The following RAB37 variants were observed in gnomAD, a reference collection of about 807,000 sequenced individuals.
RAB37 encodes ras-related protein Rab-37.
In RAB37, 29 loss-of-function variants were observed where a neutral mutation model predicts 33.1. The ratio of observed to expected loss-of-function variants is 0.88; its 90% CI spans 0.65 to 1.20. RAB37 has a LOEUF of 1.20. Among genes scored for constraint, RAB37 ranks in the 50% most tolerant of loss-of-function variants. The pLI is 0.00. For missense variants in RAB37, 299 were observed against 301.1 expected, an observed-to-expected ratio of 0.99 and a Z score of 0.05; for synonymous variants, 128 against 119.5, an observed-to-expected ratio of 1.07 and a Z score of -0.47.
intron 1 of RAB37, among the ~76,000 whole-genome samples, chr17:74,674,673 A>T (rs2031784092): frequency 6.6e-6 from 1 of 152,122 alleles, no homozygotes. Context: ...GCAAGACTCC[A>T]TCTCAAAAAA....
intron 1 of RAB37, among the ~76,000 whole-genome samples, chr17:74,682,925 A>C (rs1186773788): frequency 6.6e-6 from 1 of 152,188 alleles, no homozygotes; most frequent in African/African-American, 2.4e-5. Flanking sequence ...AGTGGAAGAC[A>C]ATGGTTTCCA....
chr17:74,702,749 G>A (rs1232833058), intron 1 of RAB37, among the ~76,000 whole-genome samples: 1 of 152,196 alleles, frequency 6.6e-6, no homozygotes, highest in African/African-American at 2.4e-5. Context: ...TGTCCCCAGA[G>A]CTCAGCACGG....
At chr17:74,695,318 C>A in intron 1 of RAB37, 1 of 1,583,530 alleles carries the variant, frequency 6.3e-7, no homozygotes, top group Non-Finnish European at 8.6e-7. Flanking sequence ...GCAGAGGAGC[C>A]CTCGGAGGAG....
chr17:74,710,514 A>G (rs1382461893), intron 1 of RAB37, among the ~76,000 whole-genome samples: 1 of 152,172 alleles, frequency 6.6e-6, no homozygotes, highest in African/African-American at 2.4e-5. Context: ...ATAAAAGTGT[A>G]TTAAATTCCT....
Position 74,704,787 on chromosome 17 carries a change from G to A in RAB37, c.73-24469G>A, listed in dbSNP as rs202161884. The A allele has an allele frequency of 3.1e-6, 5 of 1,613,572 alleles. No individual in the cohort carries two copies. In the South Asian group the frequency reaches 3.3e-5, roughly 11 times the overall value. ...CGCTCCAAGCCATTCACTGTTGTTGGACCGGTGATTTGAGTGACAATGGAG... is the reference window on the plus strand; with the variant it reads ...CGCTCCAAGCCATTCACTGTTGTTGAACCGGTGATTTGAGTGACAATGGAG... On this transcript the variant is annotated intron_variant, in intron 1 of 7. Coordinates refer to the RAB37 transcript ENST00000340415.
At chr17:74,708,878 T>C (rs1265607322) in intron 1 of RAB37, among the ~76,000 whole-genome samples, 2 of 149,786 alleles carry the variant, frequency 1.3e-5, no homozygotes, top group African/African-American at 4.9e-5. Flanking sequence ...ATCGCGCCAC[T>C]GCACTCCAGC....
At chr17:74,673,824 A>G (rs374180068) in intron 1 of RAB37, among the ~76,000 whole-genome samples, 2 of 152,338 alleles carry the variant, frequency 1.3e-5, no homozygotes, top group East Asian at 3.9e-4. Flanking sequence ...TGTGGTGCCC[A>G]GCAGAGTGAC....
rs201182243 is a variant in RAB37 at position 74,729,358 on chromosome 17, G to A, written c.175G>A (p.Gly59Arg). The A allele has an allele frequency of 2.4e-5, 38 of 1,613,344 alleles. No homozygotes were observed. Among genetic ancestry groups the A allele is most frequent in the Admixed American group, 8.3e-5 (5 of 60,026 alleles). Residue 59 changes from glycine to arginine, a missense_variant, in exon 2 of 8, where the codon GGA (glycine) becomes AGA (arginine). Coordinates refer to the RAB37 transcript ENST00000340415. This position sits in a 1 kb window ranked among gnomAD's most constrained non-coding sequence, Gnocchi z 4.2. Reference sequence around the variant, plus strand: ...CTCCTTCTCGGCCACTGTGGGCATCGGATTCACGGTAAGCACTGGCCGGCA... The same window carrying A: ...CTCCTTCTCGGCCACTGTGGGCATCAGATTCACGGTAAGCACTGGCCGGCA...
Position 74,738,747 on chromosome 17 carries a change from G to C in RAB37, c.93+1382G>C. 6.6e-6 allele frequency among the ~76,000 whole-genome samples: 1 copy of C among 152,114 alleles called. No homozygotes were observed. The highest frequency in any genetic ancestry group is 1.9e-4 in the East Asian group (1 of 5,174). On this transcript the variant is annotated intron_variant, in intron 1 of 8. Transcript: ENST00000392613. This position sits in a 1 kb window ranked among gnomAD's most constrained non-coding sequence, Gnocchi z 5.0. ...GCATTGGCCGGAGAGTTGGTCCCCA[G>C]CCTCCCCGGGCCTGCCCCAGGGGAG...
upstream of RAB37, among the ~76,000 whole-genome samples, chr17:74,735,002 A>AAGGAAGG (rs2034448320): frequency 2.3e-5 from 2 of 86,660 alleles, no homozygotes; most frequent in Non-Finnish European, 4.1e-5. Context: ...GAAGAAAGAA[A>AAGGAAGG]AAGAAAGGAA....
At chr17:74,695,726 A>G (rs200219759) in intron 1 of RAB37, 51 of 1,613,980 alleles carry the variant, frequency 3.2e-5, no homozygotes, top group Non-Finnish European at 3.8e-5. Flanking sequence ...AGGACGCACC[A>G]TGGTGACATA....
intron 1 of RAB37, chr17:74,695,015 T>G (rs2032289191): frequency 3.4e-6 from 5 of 1,462,826 alleles, no homozygotes; most frequent in Non-Finnish European, 4.6e-6. Flanking sequence ...TTGGTCCTGA[T>G]GAGGGGAGCA....
At chr17:74,711,643 A>C (rs1179120821) in intron 1 of RAB37, among the ~76,000 whole-genome samples, 1 of 152,064 alleles carries the variant, frequency 6.6e-6, no homozygotes, top group African/African-American at 2.4e-5. Context: ...ATTCCTACAC[A>C]AGAGCCCTCG....
chr17:74,716,048 A>T (rs2034161153), intron 1 of RAB37, among the ~76,000 whole-genome samples: 1 of 152,180 alleles, frequency 6.6e-6, no homozygotes, highest in Non-Finnish European at 1.5e-5. Context: ...GAAAAAGCAG[A>T]GAATTCGCCA....
At chr17:74,672,394 A>T (rs759207414) in intron 1 of RAB37, among the ~76,000 whole-genome samples, 1 of 152,148 alleles carries the variant, frequency 6.6e-6, no homozygotes, top group Non-Finnish European at 1.5e-5. Flanking sequence ...TGACTTTGCC[A>T]TGCCTTCCTG....
intron 1 of RAB37, among the ~76,000 whole-genome samples, chr17:74,718,394 G>A (rs967800038): frequency 1.3e-5 from 2 of 151,802 alleles, no homozygotes; most frequent in Non-Finnish European, 2.9e-5. Flanking sequence ...TGTTATAGCA[G>A]CCGGGACTAA....
At chr17:74,731,845 T>G (rs2034387580) in intron 2 of RAB37, among the ~76,000 whole-genome samples, 1 of 151,920 alleles carries the variant, frequency 6.6e-6, no homozygotes, top group Non-Finnish European at 1.5e-5. Flanking sequence ...CCTTCTCTAC[T>G]AAAAATACAA....
At chr17:74,703,175 C>T in intron 1 of RAB37, 1 of 1,580,584 alleles carries the variant, frequency 6.3e-7, no homozygotes, top group Non-Finnish European at 8.7e-7. Flanking sequence ...TAAACCAGAT[C>T]ACAGATGCCC....
At chr17:74,704,089 G>A (rs1354483268) in intron 1 of RAB37, among the ~76,000 whole-genome samples, 1 of 152,134 alleles carries the variant, frequency 6.6e-6, no homozygotes, top group African/African-American at 2.4e-5. Flanking sequence ...CCCCAGCCCA[G>A]AACTCCACCA....
Sources: allele counts gnomAD v4.1 joint callset (sites outside exome capture counted in the v4.1 genomes callset), GRCh38; gene constraint gnomAD v4.1.1; non-coding constraint Gnocchi (gnomAD v3.1); transcripts MANE v1.5; gene names NCBI Gene and HGNC (gene_info 2026-07-23, HGNC 2026-07-21).